Variants in IP6K1 observed in about 807,000 individuals in gnomAD.
IP6K1 encodes inositol hexakisphosphate kinase 1.
IP6K1 carries 13 observed loss-of-function variants against 38.3 expected under a neutral mutation model. The ratio of observed to expected loss-of-function variants is 0.34; its 90% CI spans 0.22 to 0.54. The LOEUF is 0.54. Among genes scored for constraint, IP6K1 ranks in the 20% least tolerant of loss-of-function variants. The pLI, the probability that IP6K1 is intolerant of heterozygous loss-of-function variation, is 0.92. For missense variants in IP6K1, 397 were observed against 599.8 expected (o/e 0.66, Z 3.53); for synonymous variants, 212 against 229.9 (o/e 0.92, Z 0.70).
Position 49,732,877 on chromosome 3 carries a change from T to C in IP6K1, c.530A>G (p.Lys177Arg), listed in dbSNP as rs779048411. The C allele has an allele frequency of 1.2e-6, 2 of 1,614,106 alleles. No homozygotes were observed. The highest frequency in any genetic ancestry group is 1.7e-6 in the Non-Finnish European group (2 of 1,179,988). ...CAGGCTCCAGGGGTTGTGGCTGATC[T>C]TCTCAGAACTCAAGCCACTGTTGCC... The part of the protein sequence containing the change: ...LDGNSGLSSE[K>R]ISHNPWSLRC... Residue 177 changes from lysine to arginine, a missense_variant, in exon 4 of 6, where the codon AAG (lysine) becomes AGG (arginine). This residue lies in a region of IP6K1 where 171 missense variants were observed against 237.0 expected (regional missense o/e 0.72). Transcript: ENST00000321599.
chr3:49,732,350 C>A (rs1462151923), intron 4 of IP6K1, among the ~76,000 whole-genome samples: 1 of 152,200 alleles, frequency 6.6e-6, no homozygotes, highest in Non-Finnish European at 1.5e-5. Context: ...CACATGCACA[C>A]AAGCGCATAT....
At chr3:49,740,837 T>C (rs1262011377) in intron 2 of IP6K1, among the ~76,000 whole-genome samples, 1 of 151,878 alleles carries the variant, frequency 6.6e-6, no homozygotes, top group Non-Finnish European at 1.5e-5. Flanking sequence ...TCCATTTGAA[T>C]CCCTGTTTTT....
At chr3:49,742,897 G>A (rs2080682599) in intron 2 of IP6K1, among the ~76,000 whole-genome samples, 1 of 151,390 alleles carries the variant, frequency 6.6e-6, no homozygotes, top group Non-Finnish European at 1.5e-5. Flanking sequence ...TCTCAAAATA[G>A]TATATAAATA....
In IP6K1 at chr3:49,727,390, C is replaced by T. The variant is rs1195295756; in HGVS notation, c.1058G>A (p.Arg353Gln). 7 of 1,614,008 alleles carry T rather than the reference C, an allele frequency of 4.3e-6. No homozygotes were observed. Among genetic ancestry groups the T allele is most frequent in the African/African-American group, 2.7e-5 (2 of 75,030 alleles). Reference sequence around the variant, plus strand: ...CAGGTGCTTGAGACGCATCTCAGACCGGCGGTCCAGGCAGGACTCAGCCCG... The same window carrying T: ...CAGGTGCTTGAGACGCATCTCAGACTGGCGGTCCAGGCAGGACTCAGCCCG... The part of the protein sequence containing the change: ...ECRAESCLDR[R>Q]SEMRLKHLDM... The change falls in exon 6 of 6, where the codon CGG (arginine) becomes CAG (glutamine). Residue 353 changes from arginine (R) to glutamine (Q), a missense_variant. Arg to Gln is a conservative substitution (Grantham distance 43). Coordinates refer to ENST00000321599, the MANE Select transcript of IP6K1 (RefSeq NM_153273.4). The surrounding 1 kb of genome is among the most constrained non-coding windows in gnomAD (Gnocchi z 5.9).
In IP6K1 at chr3:49,732,738, C is replaced by A. The variant is rs2080574008; in HGVS notation, c.616+53G>T. ...AGCCATAGGCAGAATGGTGCCCCAA[C>A]ACACGACCTATGGACCCAGTAGACA... is the stretch of plus-strand genomic sequence containing the variant. On this transcript the variant is annotated intron_variant, in intron 4 of 5. Coordinates refer to ENST00000321599, the MANE Select transcript of IP6K1 (RefSeq NM_153273.4). 3.4e-6 allele frequency: 5 copies of A among 1,488,218 alleles called. No homozygotes were observed. In the South Asian group the frequency reaches 5.1e-5, roughly 15 times the overall value. The allele number at this position is 1,488,218 out of a possible 1,614,324, so 92.2% of individuals were successfully genotyped here.
At chr3:49,756,838 A>G (rs7431529) in intron 1 of IP6K1, among the ~76,000 whole-genome samples, 75,053 of 120,392 alleles carry the variant, frequency 0.62, 22,574 homozygotes, top group East Asian at 0.86. Context: ...AAAAAAAAAA[A>G]AAAGAAAAAA....
rs1487598937 is a variant in IP6K1, at chr3:49,727,113, G to A, written c.*9C>T. The A allele has an allele frequency of 4.4e-6, 7 of 1,585,038 alleles. No homozygotes were observed. Among genetic ancestry groups the A allele is most frequent in the Non-Finnish European group, 6.0e-6 (7 of 1,162,736 alleles). ...GAGAGGAAGGGGTTCTGGGGGCCCAGAACAGGGCCTACTGGTTCTCGTCCC... is the reference window on the plus strand; with the variant it reads ...GAGAGGAAGGGGTTCTGGGGGCCCAAAACAGGGCCTACTGGTTCTCGTCCC... On this transcript the variant is annotated 3_prime_UTR_variant, in exon 6 of 6. Coordinates refer to ENST00000321599, the MANE Select transcript of IP6K1 (RefSeq NM_153273.4). This position sits in a 1 kb window ranked among gnomAD's most constrained non-coding sequence, Gnocchi z 5.9.
At chr3:49,752,901 C>T (rs1361689736) in intron 1 of IP6K1, among the ~76,000 whole-genome samples, 1 of 151,732 alleles carries the variant, frequency 6.6e-6, no homozygotes, top group East Asian at 1.9e-4. Flanking sequence ...ACTACAAGCG[C>T]ACCCCACCAT....
At chr3:49,749,060 T>G (rs932807252) in intron 1 of IP6K1, 1 of 152,234 alleles carries the variant, frequency 6.6e-6, no homozygotes, top group Non-Finnish European at 1.5e-5. Flanking sequence ...ACCGCTGGTC[T>G]GACAGGAGGC....
At chr3:49,773,656 TA>T (rs2080979413) in intron 1 of IP6K1, among the ~76,000 whole-genome samples, 1 of 152,192 alleles carries the variant, frequency 6.6e-6, no homozygotes, top group Non-Finnish European at 1.5e-5. Flanking sequence ...ACATATTTTA[TA>T]ATACATCTTC....
At chr3:49,768,476 A>G (rs937257926) in intron 1 of IP6K1, among the ~76,000 whole-genome samples, 3 of 152,212 alleles carry the variant, frequency 2.0e-5, no homozygotes, top group African/African-American at 7.2e-5. Context: ...CCACTTACAT[A>G]AAATAAAACA....
At chr3:49,778,620 G>A (rs1013814680) in intron 1 of IP6K1, among the ~76,000 whole-genome samples, 3 of 151,824 alleles carry the variant, frequency 2.0e-5, no homozygotes, top group African/African-American at 7.3e-5. Flanking sequence ...GCGACAAAGC[G>A]AGACTTCATC....
intron 1 of IP6K1, among the ~76,000 whole-genome samples, chr3:49,780,309 T>TACACACACACAC (rs71080553): frequency 0.022 from 2,553 of 117,586 alleles, 135 homozygotes; most frequent in East Asian, 0.062. Context: ...TCATCTTTCA[T>TACACACACACAC]ACACACACAC....
intron 2 of IP6K1, among the ~76,000 whole-genome samples, chr3:49,741,992 T>C (rs891272339): frequency 2.6e-5 from 4 of 152,088 alleles, no homozygotes; most frequent in East Asian, 1.9e-4. Flanking sequence ...TATGAGAGGA[T>C]TGCTTGAGGT....
chr3:49,760,850 A>G (rs2080861989), intron 1 of IP6K1, among the ~76,000 whole-genome samples: 1 of 152,118 alleles, frequency 6.6e-6, no homozygotes, highest in Non-Finnish European at 1.5e-5. Context: ...CAATTAACAA[A>G]TTATGTACCC....
At chr3:49,741,010 G>A (rs570316062) in intron 2 of IP6K1, among the ~76,000 whole-genome samples, 39 of 152,076 alleles carry the variant, frequency 2.6e-4, no homozygotes, top group East Asian at 1.5e-3. Flanking sequence ...CACCACGCTC[G>A]GCTACTTTTT....
chr3:49,770,473 T>C (rs1179921492), intron 1 of IP6K1, among the ~76,000 whole-genome samples: 2 of 151,572 alleles, frequency 1.3e-5, no homozygotes, highest in African/African-American at 4.9e-5. Flanking sequence ...TGGTGGCTCA[T>C]ACCTATAATA....
rs2080963910 is a variant in IP6K1 at position 49,772,016 on chromosome 3, C to A, written c.-129+14338G>T. Among the ~76,000 whole-genome samples, 3 of 151,954 alleles carry A rather than the reference C, an allele frequency of 2.0e-5. No individual in the cohort carries two copies. The South Asian group carries it at 6.2e-4, about 31-fold the overall frequency. On this transcript the variant is annotated intron_variant, in intron 1 of 5. Coordinates refer to ENST00000321599, the MANE Select transcript of IP6K1 (RefSeq NM_153273.4). The stretch of plus-strand genomic sequence containing the variant: ...ATCGCTTGAGCCCAAGAGTTTGAGA[C>A]CAACCTGGGCAACATGGCAAGACCT...
chr3:49,783,428 T>C (rs2108267508), intron 1 of IP6K1, among the ~76,000 whole-genome samples: 2 of 151,434 alleles, frequency 1.3e-5, no homozygotes, highest in South Asian at 4.2e-4. Flanking sequence ...AAGCTAATAT[T>C]TTTGCTGGGT....
Sources: allele counts gnomAD v4.1 joint callset (sites outside exome capture counted in the v4.1 genomes callset), GRCh38; gene constraint gnomAD v4.1.1; regional missense constraint gnomAD v4.1.1; non-coding constraint Gnocchi (gnomAD v3.1); transcripts MANE v1.5; gene names NCBI Gene and HGNC (gene_info 2026-07-23, HGNC 2026-07-21).